Variants in WDR59 observed in about 807,000 individuals in gnomAD.
The protein encoded by WDR59 is WD repeat domain 59, also known as GATOR2 complex protein WDR59.
Under a neutral mutation model 131.2 loss-of-function variants are expected in WDR59, and 100 were observed. The ratio of observed to expected loss-of-function variants is 0.76; its 90% CI spans 0.65 to 0.90. The LOEUF (loss-of-function observed/expected upper bound fraction) is 0.90. Ranked by LOEUF, WDR59 falls within the 40% of genes least tolerant of loss-of-function variation. The pLI, the probability that WDR59 is intolerant of heterozygous loss-of-function variation, is 0.00. For missense variants in WDR59, 1,203 were observed against 1,262.2 expected (o/e 0.95, Z 0.71); for synonymous variants, 601 against 466.2 (o/e 1.29, Z -3.72).
At chr16:74,902,456 C>G (rs1453798815) in intron 18 of WDR59, among the ~76,000 whole-genome samples, 1 of 152,082 alleles carries the variant, frequency 6.6e-6, no homozygotes, top group Non-Finnish European at 1.5e-5. Context: ...GCCATACCAT[C>G]AAAAACATGG....
At chr16:74,979,704 C>G (rs935382526) in intron 1 of WDR59, among the ~76,000 whole-genome samples, 1 of 150,948 alleles carries the variant, frequency 6.6e-6, no homozygotes, top group African/African-American at 2.4e-5. Context: ...CCACACCCGG[C>G]TAATTTTTGT....
At chr16:74,930,869 GAT>G (rs2031314301) in intron 8 of WDR59, 1 of 122,404 alleles carries the variant, frequency 8.2e-6, no homozygotes. Flanking sequence ...CTCTAGCCTG[GAT>G]GACAGAGAGA....
intron 18 of WDR59, among the ~76,000 whole-genome samples, chr16:74,896,383 C>T (rs11866550): frequency 6.6e-6 from 1 of 152,092 alleles, no homozygotes; most frequent in Non-Finnish European, 1.5e-5. Context: ...TAATCCCACT[C>T]TTTGGGAGGC....
chr16:74,880,266 T>C (rs1277203324), intron 25 of WDR59, among the ~76,000 whole-genome samples: 2 of 151,828 alleles, frequency 1.3e-5, no homozygotes, highest in African/African-American at 4.8e-5. Flanking sequence ...GCTAACATGG[T>C]GAAACCCCAT....
intron 3 of WDR59, among the ~76,000 whole-genome samples, chr16:74,952,082 G>A (rs2033034865): frequency 6.6e-6 from 1 of 151,696 alleles, no homozygotes; most frequent in Non-Finnish European, 1.5e-5. Flanking sequence ...GTCTAGGATA[G>A]CTGGGATAAG....
intron 8 of WDR59, among the ~76,000 whole-genome samples, chr16:74,932,724 A>T (rs2031496876): frequency 1.3e-5 from 2 of 152,110 alleles, no homozygotes; most frequent in Admixed American, 6.6e-5. Context: ...CCTGGGCTCA[A>T]GTGATCCTCC....
chr16:74,880,755 T>C (rs1046669092), intron 25 of WDR59, among the ~76,000 whole-genome samples: 5 of 152,184 alleles, frequency 3.3e-5, no homozygotes, highest in Non-Finnish European at 7.3e-5. Flanking sequence ...ACCATAAAAA[T>C]ACTCCCAGCA....
intron 23 of WDR59, 137 bp downstream of exon 23, chr16:74,887,546 T>A: frequency 1.3e-6 from 1 of 799,852 alleles, no homozygotes; most frequent in Non-Finnish European, 1.9e-6. Flanking sequence ...CCAGCAAGAG[T>A]ATCCCTATCA....
chr16:74,977,390 TAAGA>T (rs1161135201), intron 1 of WDR59, among the ~76,000 whole-genome samples: 4 of 152,070 alleles, frequency 2.6e-5, no homozygotes, highest in Non-Finnish European at 4.4e-5. Flanking sequence ...TCTTAATCTA[TAAGA>T]AAGAGACAAT....
chr16:74,929,802 G>A (rs566024803), intron 8 of WDR59, among the ~76,000 whole-genome samples: 3 of 152,174 alleles, frequency 2.0e-5, no homozygotes, highest in South Asian at 4.1e-4. Context: ...ACAGACAAAC[G>A]GAAAAGAAAA....
chr16:74,885,442 C>G (rs548141732), intron 25 of WDR59, among the ~76,000 whole-genome samples: 1 of 84,894 alleles, frequency 1.2e-5, no homozygotes, highest in Admixed American at 1.8e-4. Flanking sequence ...GAGTGAGATT[C>G]CATCTCAAAA....
rs1488454377 is a variant in WDR59 at position 74,941,352 on chromosome 16, A to AT, written c.534+1385_534+1386insA. On this transcript the variant is annotated intron_variant, in intron 7 of 25. Transcript: ENST00000262144. ...TGAGGCTCCATCTCAAAAAAAAAAA[A>AT]AAAGAAGGGGAAAATGGCCATAAAG... 6.0e-5 allele frequency among the ~76,000 whole-genome samples: 9 copies of AT among 151,232 alleles called. No homozygotes were observed. The East Asian group carries it at 1.8e-3, about 30-fold the overall frequency.
At chr16:74,913,704 C>T (rs1433665067) in intron 13 of WDR59, among the ~76,000 whole-genome samples, 1 of 152,120 alleles carries the variant, frequency 6.6e-6, no homozygotes, top group Non-Finnish European at 1.5e-5. Flanking sequence ...AAATACCAGA[C>T]TCAACTTAAA....
At chr16:74,908,749 A>G in intron 17 of WDR59, 159 bp downstream of exon 17, 5 of 585,872 alleles carry the variant, frequency 8.5e-6, no homozygotes, top group Non-Finnish European at 1.2e-5. Flanking sequence ...CTTTTTTGCA[A>G]TTTAATTGAC....
chr16:74,937,732 C>A (rs2031915321), intron 8 of WDR59, among the ~76,000 whole-genome samples: 1 of 152,138 alleles, frequency 6.6e-6, no homozygotes, highest in African/African-American at 2.4e-5. Context: ...GAACTCCTGA[C>A]CTTAAGTGAT....
At chr16:74,888,563 A>G (rs1162358262) in intron 21 of WDR59, among the ~76,000 whole-genome samples, 2 of 152,226 alleles carry the variant, frequency 1.3e-5, no homozygotes, top group Admixed American at 6.5e-5. Flanking sequence ...AACGCATCTC[A>G]AAGCCTCTGG....
In WDR59 at chr16:74,889,741, C is replaced by T; in HGVS notation, c.2157G>A (p.Trp719Ter). 1 of 1,614,078 alleles carries T rather than the reference C, an allele frequency of 6.2e-7. No individual in the cohort carries two copies. Among genetic ancestry groups the T allele is most frequent in the Non-Finnish European group, 8.5e-7 (1 of 1,180,002 alleles). ...PKSDPDLETPWARHPFGRQLL... is the reference protein window; with the variant it reads ...PKSDPDLETP ...GCTGCCGCCCAAATGGATGTCGAGC[C>T]CAGGGTGTTTCCAAATCTGGGTCAG... Residue 719 changes from tryptophan to a stop codon, truncating the protein, a stop_gained, in exon 21 of 26, where the codon TGG becomes TGA. Transcript: ENST00000262144. LOFTEE classifies it high-confidence loss of function.
At chr16:74,957,930 A>C (rs2033369540) in intron 2 of WDR59, among the ~76,000 whole-genome samples, 1 of 152,242 alleles carries the variant, frequency 6.6e-6, no homozygotes, top group African/African-American at 2.4e-5. Context: ...AATTTCACAG[A>C]ATTTCCAGGA....
intron 25 of WDR59, among the ~76,000 whole-genome samples, chr16:74,874,763 G>A (rs1321834799): frequency 6.6e-6 from 1 of 152,112 alleles, no homozygotes. Context: ...AGCTAAGTTT[G>A]TATTTTTAGT....
Sources: allele counts gnomAD v4.1 joint callset (sites outside exome capture counted in the v4.1 genomes callset), GRCh38; gene constraint gnomAD v4.1.1; transcripts MANE v1.5; gene names NCBI Gene and HGNC (gene_info 2026-07-23, HGNC 2026-07-21).